ZDHHC21: variants seen among roughly 807,000 people sequenced by gnomAD.
ZDHHC21 encodes the protein zDHHC palmitoyltransferase 21, also known as palmitoyltransferase ZDHHC21.
A neutral mutation model predicts 34.6 loss-of-function variants in ZDHHC21; 15 were observed. The ratio of observed to expected loss-of-function variants is 0.43; its 90% CI spans 0.29 to 0.67. The LOEUF is 0.67. ZDHHC21 is among the 30% of genes least tolerant of loss of function. The pLI, the probability that ZDHHC21 is intolerant of heterozygous loss-of-function variation, is 0.14. For synonymous variants in ZDHHC21, 142 were observed against 101.8 expected (o/e 1.40, Z -2.38); for missense variants, 344 against 327.7 (o/e 1.05, Z -0.38).
At chr9:14,689,165 T>C (rs13296430) in intron 2 of ZDHHC21, among the ~76,000 whole-genome samples, 75,066 of 152,152 alleles carry the variant, frequency 0.49, 18,669 homozygotes, top group African/African-American at 0.52. Flanking sequence ...AGTATCATAC[T>C]AGCTGAAGTT....
At chr9:14,670,328 G>A (rs1019394705) in intron 5 of ZDHHC21, among the ~76,000 whole-genome samples, 3 of 152,094 alleles carry the variant, frequency 2.0e-5, no homozygotes, top group Admixed American at 2.0e-4. Flanking sequence ...ACAAACTACA[G>A]TCTGCAGGCA....
intron 6 of ZDHHC21, 96 bp from the exon 7 acceptor site, chr9:14,658,983 A>G: frequency 1.6e-6 from 2 of 1,251,730 alleles, no homozygotes; most frequent in South Asian, 1.5e-5. Flanking sequence ...AATATCACAT[A>G]TGCTTAACTT....
At chr9:14,605,517 T>C in the ZDHHC21 span, among the ~76,000 whole-genome samples, 1 of 152,160 alleles carries the variant, frequency 6.6e-6, no homozygotes, top group East Asian at 1.9e-4. Flanking sequence ...CCTTTGCCCA[T>C]TATTTAATCA....
At chr9:14,664,042 C>G (rs1236688304) in intron 5 of ZDHHC21, among the ~76,000 whole-genome samples, 2 of 152,296 alleles carry the variant, frequency 1.3e-5, no homozygotes, top group Middle Eastern at 3.4e-3. Flanking sequence ...CGGTCTACAG[C>G]TCCCAGCGTG....
At chr9:14,660,372 C>CAAAAAA (rs374162221) in intron 6 of ZDHHC21, among the ~76,000 whole-genome samples, 92 of 58,644 alleles carry the variant, frequency 1.6e-3, no homozygotes, top group South Asian at 2.8e-3. Flanking sequence ...GACTCCATCT[C>CAAAAAA]AAAAAAAAAA....
rs1824447229 is a variant in ZDHHC21 at position 14,617,547 on chromosome 9, A to C, written c.*1419T>G. On this transcript the variant is annotated 3_prime_UTR_variant, in exon 10 of 10. Transcript: ENST00000380916. The stretch of plus-strand genomic sequence containing the variant: ...AAGGAAAATGTTAGCATGGTTTATG[A>C]ACAGTAGACTTTTTCAATCTTCTCT... 1.3e-5 allele frequency: 2 copies of C among 152,002 alleles called. No homozygotes were observed. Among genetic ancestry groups the C allele is most frequent in the South Asian group, 4.1e-4 (2 of 4,830 alleles). The allele number at this position is 152,002 out of a possible 1,614,324, so 9.4% of individuals were successfully genotyped here.
chr9:14,602,842 G>A, the ZDHHC21 span, among the ~76,000 whole-genome samples: 1 of 146,100 alleles, frequency 6.8e-6, no homozygotes, highest in Non-Finnish European at 1.5e-5. Context: ...AGGCCTGCTT[G>A]AGCCCAGGTG....
chr9:14,633,533 G>T (rs1335943868), intron 8 of ZDHHC21, among the ~76,000 whole-genome samples: 2 of 152,060 alleles, frequency 1.3e-5, no homozygotes, highest in Non-Finnish European at 2.9e-5. Context: ...CTCCAGGAAG[G>T]CACCATATTA....
chr9:14,683,400 C>T (rs1295854277), intron 2 of ZDHHC21, among the ~76,000 whole-genome samples: 2 of 152,012 alleles, frequency 1.3e-5, no homozygotes, highest in South Asian at 2.1e-4. Flanking sequence ...TACAAACTAC[C>T]ATCAGAGAAT....
intron 7 of ZDHHC21, among the ~76,000 whole-genome samples, chr9:14,657,687 T>C (rs967275376): frequency 6.6e-6 from 1 of 152,166 alleles, no homozygotes; most frequent in Non-Finnish European, 1.5e-5. Context: ...AGGGCTGAAT[T>C]TAAACCAAGG....
chr9:14,692,752 T>C (rs143211368), intron 1 of ZDHHC21, among the ~76,000 whole-genome samples: 1 of 152,168 alleles, frequency 6.6e-6, no homozygotes, highest in East Asian at 1.9e-4. Flanking sequence ...CTGTTTGTCC[T>C]CTCTGCAGCT....
At chr9:14,594,818 T>C in the ZDHHC21 span, among the ~76,000 whole-genome samples, 1 of 152,268 alleles carries the variant, frequency 6.6e-6, no homozygotes, top group Admixed American at 6.5e-5. Context: ...CCAGAACACA[T>C]AATTCTTATA....
chr9:14,654,825 G>A (rs1017225404), intron 7 of ZDHHC21, among the ~76,000 whole-genome samples: 1 of 151,840 alleles, frequency 6.6e-6, no homozygotes, highest in African/African-American at 2.4e-5. Flanking sequence ...CACAGAGGGG[G>A]AATAAAAAAG....
At chr9:14,640,233 T>C (rs1356089924) in intron 7 of ZDHHC21, among the ~76,000 whole-genome samples, 1 of 150,358 alleles carries the variant, frequency 6.7e-6, no homozygotes, top group African/African-American at 2.4e-5. Flanking sequence ...TACAGGAGTT[T>C]ACTACTCTAC....
At chr9:14,684,511 C>T (rs1004075333) in intron 2 of ZDHHC21, among the ~76,000 whole-genome samples, 1 of 147,606 alleles carries the variant, frequency 6.8e-6, no homozygotes, top group African/African-American at 2.5e-5. Flanking sequence ...TGAAGGACCT[C>T]GTCAAGGAGA....
chr9:14,674,583 C>T (rs568333415), intron 3 of ZDHHC21, among the ~76,000 whole-genome samples, 198 bp from the exon 4 acceptor site: 3 of 151,960 alleles, frequency 2.0e-5, no homozygotes, highest in Non-Finnish European at 2.9e-5. Flanking sequence ...ACAGAAGTTT[C>T]AGGATATTCA....
chr9:14,685,285 A>C (rs1838116551), intron 2 of ZDHHC21, among the ~76,000 whole-genome samples: 1 of 151,804 alleles, frequency 6.6e-6, no homozygotes, highest in African/African-American at 2.4e-5. Context: ...AATGGGAGAA[A>C]ATTTTTGCAA....
At position 14,678,106 on chromosome 9, in the gene ZDHHC21, C is replaced by G. The variant is rs181716832; in HGVS notation, c.-46+1927G>C. On this transcript the variant is annotated intron_variant, in intron 3 of 9. Transcript: ENST00000380916. ...ATTCTGCTTACTCATCTAAATTCAA[C>G]TCAGACTTCAAGGCCAATTTGAATC... 4.4e-3 allele frequency among the ~76,000 whole-genome samples: 675 copies of G among 152,204 alleles called. 7 individuals carry two copies. Among genetic ancestry groups the G allele is most frequent in the Middle Eastern group, 0.014 (4 of 294 alleles).
At chr9:14,648,540 G>A (rs910605499) in intron 7 of ZDHHC21, among the ~76,000 whole-genome samples, 4 of 152,058 alleles carry the variant, frequency 2.6e-5, no homozygotes, top group Admixed American at 2.6e-4. Context: ...TGACTTGCTT[G>A]AGTTCCAGGT....
Sources: allele counts gnomAD v4.1 joint callset (sites outside exome capture counted in the v4.1 genomes callset), GRCh38; gene constraint gnomAD v4.1.1; transcripts MANE v1.5; gene names NCBI Gene and HGNC (gene_info 2026-07-23, HGNC 2026-07-21).